The following STATH variants were observed in gnomAD, a reference collection of about 807,000 sequenced individuals.
STATH encodes statherin.
In STATH, 11 loss-of-function variants were observed where a neutral mutation model predicts 13.3. The observed-to-expected ratio is 0.83, with a 90% CI of 0.52 to 1.37. STATH has a LOEUF of 1.37. Among genes scored for constraint, STATH ranks in the 40% most tolerant of loss-of-function variants. The pLI, the probability that STATH is intolerant of heterozygous loss-of-function variation, is 0.00. For missense variants in STATH, 78 were observed against 73.3 expected, an observed-to-expected ratio of 1.06 and a Z score of -0.24; for synonymous variants, 25 against 23.6, an observed-to-expected ratio of 1.06 and a Z score of -0.17.
intron 4 of STATH, chr4:70,000,148 A>G (rs184749639): frequency 1.7e-4 from 39 of 232,360 alleles, no homozygotes; most frequent in Admixed American, 2.0e-4. Flanking sequence ...TGATAATTAC[A>G]CATAAAATAT....
At chr4:70,001,026 G>A in intron 5 of STATH, 44 bp downstream of exon 5, 1 of 1,352,432 alleles carries the variant, frequency 7.4e-7, no homozygotes. Flanking sequence ...CTGTATCAGT[G>A]CTGACAGTTA....
intron 1 of STATH, among the ~76,000 whole-genome samples, chr4:69,997,754 T>A (rs895974936): frequency 6.6e-6 from 1 of 152,142 alleles, no homozygotes; most frequent in African/African-American, 2.4e-5. Flanking sequence ...TGACTTCTTA[T>A]CAGTTTGATT....
intron 2 of STATH, chr4:69,999,186 A>T (rs1054988374): frequency 6.5e-6 from 1 of 153,154 alleles, no homozygotes; most frequent in African/African-American, 2.4e-5. Flanking sequence ...TCTAACAGAT[A>T]TTTCAAAAAC....
rs1724603415 is a variant in STATH at position 69,999,782 on chromosome 4, A to T, written c.75A>T (p.Lys25Asn). 6.2e-7 allele frequency: 1 copy of T among 1,611,998 alleles called. No individual in the cohort carries two copies. The highest frequency in any genetic ancestry group is 8.5e-7 in the Non-Finnish European group (1 of 1,178,940). ...SMIGADSSEE[K>N]FLRRIGRFGY... ...AAACTTTTCTTCATTTTTCACAGAA[A>T]TTTTTGCGTAGAATTGGAAGATTCG... Residue 25 changes from lysine to asparagine, a missense_variant and splice_region_variant, in exon 4 of 6, where the codon AAA becomes AAT. By Grantham distance (94) the Lys-to-Asn change is moderately conservative (BLOSUM62 0). Coordinates refer to ENST00000246895, the MANE Select transcript of STATH (RefSeq NM_003154.3).
chr4:69,996,743 A>G (rs1389636592), intron 1 of STATH, among the ~76,000 whole-genome samples: 1 of 152,014 alleles, frequency 6.6e-6, no homozygotes, highest in Non-Finnish European at 1.5e-5. Context: ...TAGTAAAACA[A>G]AACTACTCTT....
chr4:69,999,919 A>G (rs1724610164), intron 4 of STATH, 110 bp downstream of exon 4: 1 of 1,259,104 alleles, frequency 7.9e-7, no homozygotes, highest in Admixed American at 2.1e-5. Context: ...GTAGTTGCAA[A>G]AGTGTGCTTT....
rs1010292037 is a variant in STATH, at chr4:70,002,546, C to T, written c.*391C>T. ...CCAGTTTGACTAGCACAGATTGAAG[C>T]CCATAATGTCAGAGGTCCTTATTTA... On this transcript the variant is annotated 3_prime_UTR_variant, in exon 6 of 6. Transcript: ENST00000246895. The T allele has an allele frequency of 3.3e-5, 5 of 151,584 alleles. No homozygotes were observed. The highest frequency in any genetic ancestry group is 7.4e-5 in the Non-Finnish European group (5 of 67,726). 9.4% of individuals were successfully genotyped at this position (151,584 alleles called of 1,614,324 possible). A position where few individuals can be genotyped will look rare whatever the true frequency, so the allele number is the denominator to read the frequency against.
At chr4:70,001,705 G>A (rs1417479384) in intron 5 of STATH, among the ~76,000 whole-genome samples, 1 of 151,726 alleles carries the variant, frequency 6.6e-6, no homozygotes, top group Non-Finnish European at 1.5e-5. Flanking sequence ...TTGGAGATAA[G>A]GGAGGATTGT....
chr4:69,996,359 G>A (rs907788908), intron 1 of STATH, among the ~76,000 whole-genome samples: 9 of 151,870 alleles, frequency 5.9e-5, no homozygotes, highest in South Asian at 2.1e-4. Context: ...ACCTTTATTC[G>A]AAGTTCATAT....
chr4:69,999,634 T>C (rs1724597215), intron 2 of STATH, 33 bp from the exon 3 acceptor site: 1 of 1,601,432 alleles, frequency 6.2e-7, no homozygotes, highest in Non-Finnish European at 8.5e-7. Flanking sequence ...AACATTAAGA[T>C]ACTAACTATT....
intron 4 of STATH, among the ~76,000 whole-genome samples, chr4:70,000,608 A>G (rs141694672): frequency 1.7e-3 from 264 of 151,960 alleles, no homozygotes; most frequent in South Asian, 0.014. Context: ...GATAGCCTAT[A>G]ATCGGTGTTC....
intron 1 of STATH, among the ~76,000 whole-genome samples, chr4:69,996,748 A>C (rs1297911382): frequency 6.6e-6 from 1 of 151,850 alleles, no homozygotes. Flanking sequence ...AAACAAAACT[A>C]CTCTTCTATG....
At chr4:70,000,531 C>G (rs1724627897) in intron 4 of STATH, among the ~76,000 whole-genome samples, 1 of 151,714 alleles carries the variant, frequency 6.6e-6, no homozygotes, top group South Asian at 2.1e-4. Context: ...TCCCATAATA[C>G]TCAAAGGTGG....
chr4:69,999,646 T>G (rs1173476330), intron 2 of STATH, 21 bp from the exon 3 acceptor site: 1 of 1,607,186 alleles, frequency 6.2e-7, no homozygotes, highest in South Asian at 1.1e-5. Context: ...CTAACTATTG[T>G]CTAATTTTCT....
At chr4:69,996,977 G>A (rs1578159539) in intron 1 of STATH, among the ~76,000 whole-genome samples, 1 of 123,314 alleles carries the variant, frequency 8.1e-6, no homozygotes, top group South Asian at 2.5e-4. Context: ...CGCTCTTGTT[G>A]CCCAGGCTGG....
intron 1 of STATH, among the ~76,000 whole-genome samples, chr4:69,996,394 T>C (rs1724504168): frequency 1.3e-5 from 2 of 152,206 alleles, no homozygotes; most frequent in Non-Finnish European, 2.9e-5. Flanking sequence ...ATACGTTCTC[T>C]TTTTTGCAAA....
intron 1 of STATH, 51 bp from the exon 2 acceptor site, chr4:69,998,372 T>C (rs1724563829): frequency 7.0e-7 from 1 of 1,421,014 alleles, no homozygotes; most frequent in Non-Finnish European, 9.9e-7. Context: ...AAACTTTTGA[T>C]GGGCGAATGC....
chr4:70,001,545 C>G (rs1051368168), intron 5 of STATH, among the ~76,000 whole-genome samples: 6 of 151,698 alleles, frequency 4.0e-5, no homozygotes, highest in Admixed American at 2.6e-4. Context: ...TGAGCAATTA[C>G]TATAGAAATT....
chr4:70,001,035 T>A, intron 5 of STATH, 53 bp downstream of exon 5: 1 of 1,299,004 alleles, frequency 7.7e-7, no homozygotes, highest in Non-Finnish European at 1.1e-6. Flanking sequence ...TGCTGACAGT[T>A]AAAAGAAGAA....
Sources: allele counts gnomAD v4.1 joint callset (sites outside exome capture counted in the v4.1 genomes callset), GRCh38; gene constraint gnomAD v4.1.1; transcripts MANE v1.5; gene names NCBI Gene and HGNC (gene_info 2026-07-23, HGNC 2026-07-21).